The following RIMS2 variants were observed in gnomAD, a reference collection of about 807,000 sequenced individuals.
The protein encoded by RIMS2 is regulating synaptic membrane exocytosis protein 2.
A neutral mutation model predicts 174.4 loss-of-function variants in RIMS2; 59 were observed. That is an observed-to-expected ratio of 0.34 (90% CI 0.27 to 0.42). RIMS2 has a LOEUF of 0.42. Ranked by LOEUF, RIMS2 falls within the 10% of genes least tolerant of loss-of-function variation. The probability of loss-of-function intolerance (pLI) is 1.00; values close to 1 mark genes in which losing one functional copy is unlikely to be tolerated. For missense variants in RIMS2, 1,620 were observed against 1,666.3 expected, an observed-to-expected ratio of 0.97 and a Z score of 0.48; for synonymous variants, 606 against 572.5, an observed-to-expected ratio of 1.06 and a Z score of -0.84.
At chr8:104,124,253 G>T (rs2132509226) in intron 19 of RIMS2, among the ~76,000 whole-genome samples, 1 of 152,120 alleles carries the variant, frequency 6.6e-6, no homozygotes, top group South Asian at 2.1e-4. Flanking sequence ...TAACCAAAAA[G>T]GAAAATGTGA....
intron 17 of RIMS2, among the ~76,000 whole-genome samples, chr8:103,994,224 G>A (rs1202617527): frequency 6.6e-6 from 1 of 151,892 alleles, no homozygotes; most frequent in East Asian, 1.9e-4. Flanking sequence ...TATAGTGGAA[G>A]GACAATTCAT....
intron 19 of RIMS2, among the ~76,000 whole-genome samples, chr8:104,155,201 G>T (rs1347214099): frequency 1.3e-5 from 2 of 151,840 alleles, no homozygotes; most frequent in Non-Finnish European, 2.9e-5. Flanking sequence ...CCTCCTCCCG[G>T]GTTCACGCCA....
intron 17 of RIMS2, among the ~76,000 whole-genome samples, chr8:104,005,910 T>A (rs983907932): frequency 3.9e-5 from 6 of 151,972 alleles, no homozygotes; most frequent in African/African-American, 1.4e-4. Context: ...ACAGTCTATG[T>A]AGAACATAGA....
At chr8:103,867,718 A>T (rs1174537092) in intron 3 of RIMS2, among the ~76,000 whole-genome samples, 1 of 152,136 alleles carries the variant, frequency 6.6e-6, no homozygotes, top group African/African-American at 2.4e-5. Flanking sequence ...TAATGTTAGA[A>T]AAAATCTATG....
intron 19 of RIMS2, among the ~76,000 whole-genome samples, chr8:104,088,426 A>G (rs776607754): frequency 1.3e-4 from 20 of 152,024 alleles, no homozygotes; most frequent in South Asian, 2.1e-4. Flanking sequence ...TCTTCCAAAG[A>G]TTATGTTTGC....
intron 1 of RIMS2, among the ~76,000 whole-genome samples, chr8:103,510,596 T>C (rs1825974449): frequency 6.6e-6 from 1 of 152,114 alleles, no homozygotes; most frequent in Non-Finnish European, 1.5e-5. Context: ...CCTAGAGGCC[T>C]CTTTCTGGTA....
At chr8:103,636,403 T>A (rs2096074377) in intron 1 of RIMS2, among the ~76,000 whole-genome samples, 1 of 152,126 alleles carries the variant, frequency 6.6e-6, no homozygotes, top group Non-Finnish European at 1.5e-5. Flanking sequence ...AGACTCCATG[T>A]AGCTCTTTTT....
At chr8:103,722,643 C>G (rs1259503639) in intron 2 of RIMS2, among the ~76,000 whole-genome samples, 4 of 152,164 alleles carry the variant, frequency 2.6e-5, no homozygotes, top group South Asian at 2.1e-4. Context: ...CTTGCTCACT[C>G]TCCCACCACT....
At chr8:103,765,469 GCTAC>G (rs1232310467) in intron 2 of RIMS2, among the ~76,000 whole-genome samples, 4 of 152,062 alleles carry the variant, frequency 2.6e-5, no homozygotes, top group African/African-American at 4.8e-5. Context: ...TATACTTACT[GCTAC>G]TGAGGTGTAC....
At chr8:103,806,509 A>G (rs2098650983) in intron 3 of RIMS2, among the ~76,000 whole-genome samples, 1 of 152,120 alleles carries the variant, frequency 6.6e-6, no homozygotes, top group Non-Finnish European at 1.5e-5. Context: ...CTTGGATGAA[A>G]CAGTGCATCA....
At chr8:104,173,605 C>T (rs1202641259) in intron 19 of RIMS2, among the ~76,000 whole-genome samples, 2 of 134,756 alleles carry the variant, frequency 1.5e-5, no homozygotes, top group Admixed American at 7.8e-5. Context: ...ACTACCTTAG[C>T]TCTTCTGATT....
At chr8:104,185,276 C>T (rs2136116400) in intron 19 of RIMS2, among the ~76,000 whole-genome samples, 1 of 151,494 alleles carries the variant, frequency 6.6e-6, no homozygotes, top group East Asian at 1.9e-4. Context: ...GTTTTTCCTT[C>T]CTGGTAATAG....
At chr8:103,908,369 C>T (rs1002892750) in intron 4 of RIMS2, among the ~76,000 whole-genome samples, 3 of 152,148 alleles carry the variant, frequency 2.0e-5, no homozygotes. Context: ...ACACCTTGAC[C>T]AGATTCCTTC....
At chr8:104,185,064 A>T (rs1176608765) in intron 19 of RIMS2, among the ~76,000 whole-genome samples, 1 of 151,532 alleles carries the variant, frequency 6.6e-6, no homozygotes, top group Non-Finnish European at 1.5e-5. Flanking sequence ...CCTAGTTTGT[A>T]TGAAGCATAA....
chr8:103,919,852 A>G (rs935653179), intron 9 of RIMS2, among the ~76,000 whole-genome samples: 2 of 152,054 alleles, frequency 1.3e-5, no homozygotes, highest in African/African-American at 4.8e-5. Context: ...TGATCACATA[A>G]AACTCTAACA....
At chr8:104,245,138 C>G (rs900793366) in intron 20 of RIMS2, 81 bp downstream of exon 26, 2 of 1,388,184 alleles carry the variant, frequency 1.4e-6, no homozygotes, top group African/African-American at 2.9e-5. Flanking sequence ...GATTTTCCAA[C>G]TCTCATGCTC....
intron 2 of RIMS2, among the ~76,000 whole-genome samples, chr8:103,757,004 TGTGTGTGAGAGA>T (rs1564527128): frequency 1.5e-5 from 2 of 130,502 alleles, no homozygotes; most frequent in South Asian, 2.3e-4. Flanking sequence ...TGTGTGTGTG[TGTGTGTGAGAGA>T]GAGAGAGAGA....
intron 1 of RIMS2, among the ~76,000 whole-genome samples, chr8:103,624,925 GC>G (rs1256408787): frequency 6.6e-6 from 1 of 151,988 alleles, no homozygotes; most frequent in Non-Finnish European, 1.5e-5. Flanking sequence ...AAAATACTAA[GC>G]CCCTTTTTGG....
chr8:104,190,958 A>G (rs1237812910), intron 19 of RIMS2, among the ~76,000 whole-genome samples: 4 of 150,076 alleles, frequency 2.7e-5, no homozygotes, highest in South Asian at 2.1e-4. Context: ...GTTTGCTTCA[A>G]TCTCTTCTTC....
Sources: gnomAD v4.1 joint callset for allele counts (sites outside exome capture counted in the v4.1 genomes callset) on GRCh38, gnomAD v4.1.1 for gene constraint, MANE v1.5 for transcripts, NCBI Gene and HGNC (gene_info 2026-07-23, HGNC 2026-07-21) for gene names.